Variants in DOCK3 observed in about 807,000 individuals in gnomAD.
DOCK3 encodes dedicator of cytokinesis protein 3.
A neutral mutation model predicts 265.6 loss-of-function variants in DOCK3; 60 were observed. The ratio of observed to expected loss-of-function variants is 0.23; its 90% CI spans 0.18 to 0.28. DOCK3 has a LOEUF of 0.28. Among genes scored for constraint, DOCK3 ranks in the 10% least tolerant of loss-of-function variants. The probability of loss-of-function intolerance (pLI) is 1.00; values close to 1 mark genes in which losing one functional copy is unlikely to be tolerated. For synonymous variants in DOCK3, 881 were observed against 938.0 expected (o/e 0.94, Z 1.11); for missense variants, 1,981 against 2,594.3 (o/e 0.76, Z 5.14).
chr3:50,904,237 CTT>C (rs1234981259), intron 4 of DOCK3, among the ~76,000 whole-genome samples: 1 of 152,142 alleles, frequency 6.6e-6, no homozygotes, highest in African/African-American at 2.4e-5. Flanking sequence ...GTGCATGTGT[CTT>C]TATAGTAGCA....
intron 5 of DOCK3, among the ~76,000 whole-genome samples, chr3:50,967,232 CTTTT>C (rs1375822129): frequency 3.9e-5 from 6 of 152,116 alleles, no homozygotes; most frequent in Non-Finnish European, 8.8e-5. Flanking sequence ...ATGAGATCCA[CTTTT>C]TTAGCTCCCA....
At chr3:50,813,779 A>G (rs570929854) in intron 2 of DOCK3, among the ~76,000 whole-genome samples, 4 of 152,218 alleles carry the variant, frequency 2.6e-5, no homozygotes, top group African/African-American at 9.6e-5. Flanking sequence ...TGTAGCTCAC[A>G]TATTAATACA....
intron 30 of DOCK3, 125 bp from the exon 31 acceptor site, chr3:51,312,719 A>G (rs2083152542): frequency 7.9e-7 from 1 of 1,273,202 alleles, no homozygotes; most frequent in Non-Finnish European, 1.1e-6. Context: ...TCGAGAGCCC[A>G]AAGGCTTAGC....
chr3:50,832,696 A>G (rs1553677605), intron 2 of DOCK3, among the ~76,000 whole-genome samples: 2 of 152,012 alleles, frequency 1.3e-5, no homozygotes, highest in Non-Finnish European at 2.9e-5. Flanking sequence ...CCTCTGACAT[A>G]TTTTTCTTCT....
intron 9 of DOCK3, among the ~76,000 whole-genome samples, chr3:51,138,401 AAC>A (rs2084905265): frequency 6.6e-6 from 1 of 152,248 alleles, no homozygotes; most frequent in Non-Finnish European, 1.5e-5. Context: ...AAGTGAAAAA[AAC>A]AGTTATTTTG....
At chr3:50,919,942 G>C (rs569194255) in intron 4 of DOCK3, among the ~76,000 whole-genome samples, 1 of 152,282 alleles carries the variant, frequency 6.6e-6, no homozygotes, top group African/African-American at 2.4e-5. Flanking sequence ...CTAGTTTATT[G>C]AGAGTTTTTA....
intron 5 of DOCK3, among the ~76,000 whole-genome samples, chr3:50,978,048 A>C (rs907523218): frequency 6.6e-6 from 1 of 151,860 alleles, no homozygotes; most frequent in African/African-American, 2.4e-5. Flanking sequence ...CCTTCTTCTA[A>C]ATTTTTTTCA....
At chr3:50,714,352 C>T (rs1009911664) in intron 1 of DOCK3, among the ~76,000 whole-genome samples, 5 of 152,156 alleles carry the variant, frequency 3.3e-5, no homozygotes, top group Non-Finnish European at 7.4e-5. Context: ...CTTACTTCAC[C>T]AGCTTTGTCC....
At chr3:50,858,923 T>A (rs756395845) in intron 3 of DOCK3, among the ~76,000 whole-genome samples, 2 of 152,176 alleles carry the variant, frequency 1.3e-5, no homozygotes, top group African/African-American at 2.4e-5. Context: ...TGAGATTCTT[T>A]CCTTAGCTTG....
intron 6 of DOCK3, 40 bp downstream of exon 6, chr3:51,064,636 T>C: frequency 6.2e-7 from 1 of 1,605,590 alleles, no homozygotes; most frequent in Non-Finnish European, 8.5e-7. Flanking sequence ...CAGTTTCATT[T>C]ATGATAACTC....
intron 5 of DOCK3, among the ~76,000 whole-genome samples, chr3:51,005,546 A>G (rs1343588973): frequency 6.6e-6 from 1 of 152,172 alleles, no homozygotes; most frequent in Non-Finnish European, 1.5e-5. Context: ...CCCAAACAAA[A>G]TTCCATATTG....
intron 5 of DOCK3, among the ~76,000 whole-genome samples, chr3:51,036,641 T>C (rs951260484): frequency 1.3e-5 from 2 of 152,296 alleles, no homozygotes; most frequent in Middle Eastern, 6.8e-3. Context: ...AAGGCTCCAT[T>C]TCTCTTTACT....
chr3:50,713,834 C>T (rs1406005156), intron 1 of DOCK3, among the ~76,000 whole-genome samples: 1 of 151,992 alleles, frequency 6.6e-6, no homozygotes, highest in Non-Finnish European at 1.5e-5. Context: ...TGATGTTAGT[C>T]AGGTAAAGTT....
chr3:50,878,000 C>G (rs973095038), intron 3 of DOCK3, among the ~76,000 whole-genome samples: 3 of 152,250 alleles, frequency 2.0e-5, no homozygotes, highest in South Asian at 4.1e-4. Context: ...TGGTGATACC[C>G]AGGCAAACAG....
At chr3:50,970,268 T>G (rs945680735) in intron 5 of DOCK3, among the ~76,000 whole-genome samples, 5 of 152,162 alleles carry the variant, frequency 3.3e-5, no homozygotes, top group African/African-American at 1.2e-4. Context: ...GACTATGTCT[T>G]GCTGAGGTCT....
chr3:50,778,833 A>T, intron 2 of DOCK3, 75 bp downstream of exon 2: 1 of 1,025,220 alleles, frequency 9.8e-7, no homozygotes, highest in African/African-American at 1.6e-5. Flanking sequence ...TTGTGCTAAT[A>T]AGATTATAAG....
intron 9 of DOCK3, among the ~76,000 whole-genome samples, chr3:51,105,624 T>A (rs1257205932): frequency 6.6e-6 from 1 of 152,176 alleles, no homozygotes; most frequent in Non-Finnish European, 1.5e-5. Flanking sequence ...CATGAATGAA[T>A]CTTGAAAGCA....
intron 3 of DOCK3, among the ~76,000 whole-genome samples, chr3:50,852,141 A>C (rs905552353): frequency 4.6e-5 from 7 of 152,158 alleles, no homozygotes; most frequent in Non-Finnish European, 1.0e-4. Flanking sequence ...TCAGCTGGAC[A>C]CTGTCACAGG....
Position 51,134,654 on chromosome 3 carries a change from A to G in DOCK3, c.747-11895A>G, listed in dbSNP as rs576602107. 2.0e-5 allele frequency among the ~76,000 whole-genome samples: 3 copies of G among 152,266 alleles called. No individual in the cohort carries two copies. The South Asian group carries it at 6.2e-4, about 32-fold the overall frequency. On this transcript the variant is annotated intron_variant, in intron 9 of 52. Transcript: ENST00000266037. The stretch of plus-strand genomic sequence containing the variant: ...GGAATCCTGGAGATAGATTTCTTTC[A>G]TGCAGCACCTCTAGGAGCCTATGCC...
Sources: allele counts gnomAD v4.1 joint callset (sites outside exome capture counted in the v4.1 genomes callset), GRCh38; gene constraint gnomAD v4.1.1; transcripts MANE v1.5; gene names NCBI Gene and HGNC (gene_info 2026-07-23, HGNC 2026-07-21).